Variants in KLF12 observed in about 807,000 individuals in gnomAD.
KLF12 encodes Krueppel-like factor 12.
KLF12 carries 9 observed loss-of-function variants against 37.8 expected under a neutral mutation model. The ratio of observed to expected loss-of-function variants is 0.24; its 90% confidence interval spans 0.14 to 0.42. The LOEUF is 0.42. Ranked by LOEUF, KLF12 falls within the 10% of genes least tolerant of loss-of-function variation. The probability of loss-of-function intolerance (pLI) is 1.00; values close to 1 mark genes in which losing one functional copy is unlikely to be tolerated. For synonymous variants in KLF12, 208 were observed against 202.1 expected (o/e 1.03, Z -0.25); for missense variants, 411 against 516.0 (o/e 0.80, Z 1.97).
chr13:73,993,904 G>T (rs576027484), intron 2 of KLF12, among the ~76,000 whole-genome samples: 1 of 152,196 alleles, frequency 6.6e-6, no homozygotes, highest in East Asian at 1.9e-4. Context: ...ACACACCACT[G>T]ATCCACATGC....
chr13:74,188,775 C>A, the KLF12 span, among the ~76,000 whole-genome samples: 5 of 152,134 alleles, frequency 3.3e-5, no homozygotes, highest in Non-Finnish European at 5.9e-5. Context: ...GCAGGTGGAT[C>A]ACTTGAGGCC....
At chr13:73,710,366 C>T (rs1017407904) in intron 7 of KLF12, among the ~76,000 whole-genome samples, 4 of 144,360 alleles carry the variant, frequency 2.8e-5, no homozygotes, top group African/African-American at 7.7e-5. Context: ...TATTGCATTT[C>T]GAAGATATTG....
intron 1 of KLF12, among the ~76,000 whole-genome samples, chr13:74,094,516 A>G (rs1875862509): frequency 6.6e-6 from 1 of 152,092 alleles, no homozygotes; most frequent in Non-Finnish European, 1.5e-5. Context: ...CTGGGCCAGG[A>G]ATCTCTAGGA....
intron 2 of KLF12, among the ~76,000 whole-genome samples, chr13:73,946,501 T>C (rs1212221251): frequency 6.6e-6 from 1 of 152,236 alleles, no homozygotes; most frequent in South Asian, 2.1e-4. Context: ...ATATTCATGA[T>C]GGTTTTTCTT....
At position 73,959,347 on chromosome 13, in the gene KLF12, A is replaced by G. The variant is rs150990042; in HGVS notation, c.34-15277T>C. 2.2e-3 allele frequency among the ~76,000 whole-genome samples: 342 copies of G among 152,052 alleles called. 2 individuals are homozygous for G. Among genetic ancestry groups the G allele is most frequent in the African/African-American group, 7.9e-3 (329 of 41,490 alleles). ...ATATGATGGTATTTTCTTTCATCCC[A>G]CCACCAAAGACATTTTGGGACAGAG... On this transcript the variant is annotated intron_variant, in intron 2 of 7. Coordinates refer to ENST00000377669, the MANE Select transcript of KLF12 (RefSeq NM_007249.5).
intron 6 of KLF12, among the ~76,000 whole-genome samples, chr13:73,752,741 TTTGACACAGAGTCTTGC>T (rs1878863102): frequency 3.7e-5 from 4 of 109,260 alleles, no homozygotes; most frequent in Admixed American, 3.5e-4. Context: ...TTTTTTTTTT[TTTGACACAGAGTCTTGC>T]TCTGTCACCC....
In KLF12 at chr13:73,741,489, C is replaced by T. The variant is rs551887108; in HGVS notation, c.869+23449G>A. Among the ~76,000 whole-genome samples, 16 of 152,300 alleles carry T rather than the reference C, an allele frequency of 1.1e-4. No homozygotes were observed. In the South Asian group the frequency reaches 3.1e-3, roughly 30 times the overall value. On this transcript the variant is annotated intron_variant, in intron 6 of 7. Transcript: ENST00000377669. ...AGAATTATGGCAAAGATTTCTACTGCAATCTGCCAGATCCCAACTATTTTT... is the reference window on the plus strand; with the variant it reads ...AGAATTATGGCAAAGATTTCTACTGTAATCTGCCAGATCCCAACTATTTTT...
chr13:74,073,270 C>T (rs528303826), intron 1 of KLF12, among the ~76,000 whole-genome samples: 84 of 151,852 alleles, frequency 5.5e-4, no homozygotes, highest in African/African-American at 2.0e-3. Flanking sequence ...TTCTTTTTTG[C>T]TCAGGAATTC....
rs2138004802 is a variant in KLF12, at chr13:73,755,226, A to C, written c.869+9712T>G. 1.3e-5 allele frequency among the ~76,000 whole-genome samples: 2 copies of C among 152,344 alleles called. 1 individual carries two copies. The highest frequency in any genetic ancestry group is 4.1e-4 in the South Asian group (2 of 4,828). On this transcript the variant is annotated intron_variant, in intron 6 of 7. Transcript: ENST00000377669. The stretch of plus-strand genomic sequence containing the variant: ...TTCAGACCTCTGAGGAAAAAAGGCA[A>C]TGAGTACAGGAATGGAAAAAGAGAT...
the KLF12 span, among the ~76,000 whole-genome samples, chr13:74,229,958 T>C: frequency 6.6e-6 from 1 of 152,224 alleles, no homozygotes; most frequent in East Asian, 1.9e-4. Flanking sequence ...CCTAATGCTG[T>C]CACTTAACTG....
the KLF12 span, among the ~76,000 whole-genome samples, chr13:74,273,039 C>T: frequency 6.6e-6 from 1 of 152,134 alleles, no homozygotes; most frequent in Non-Finnish European, 1.5e-5. Flanking sequence ...CCACAAATGC[C>T]ATCTTCTTTT....
chr13:74,288,170 C>T, the KLF12 span, among the ~76,000 whole-genome samples: 3 of 152,084 alleles, frequency 2.0e-5, no homozygotes, highest in African/African-American at 7.2e-5. Flanking sequence ...TAAAATAACC[C>T]AATGGATTTG....
At chr13:74,014,100 A>G (rs921911716) in intron 1 of KLF12, among the ~76,000 whole-genome samples, 3 of 152,216 alleles carry the variant, frequency 2.0e-5, no homozygotes, top group African/African-American at 7.2e-5. Flanking sequence ...TAACTCTGAA[A>G]AAATAACATT....
chr13:73,818,429 G>A (rs1566391670), intron 4 of KLF12, among the ~76,000 whole-genome samples: 1 of 152,206 alleles, frequency 6.6e-6, no homozygotes, highest in African/African-American at 2.4e-5. Flanking sequence ...CAGCTCACAT[G>A]AGACATTTAA....
In KLF12 at chr13:73,836,378, C is replaced by G. The variant is rs552839137; in HGVS notation, c.670+9449G>C. ...AAAAAACAGGGAACAGAAACCACAG[C>G]CACAGAGTTGTAAATTATTAAAAAG... On this transcript the variant is annotated intron_variant, in intron 4 of 7. Coordinates refer to ENST00000377669, the MANE Select transcript of KLF12 (RefSeq NM_007249.5). 7.2e-5 allele frequency among the ~76,000 whole-genome samples: 11 copies of G among 152,238 alleles called. No homozygotes were observed. The South Asian group carries it at 1.0e-3, about 14-fold the overall frequency.
chr13:73,998,817 G>A (rs998956730), intron 1 of KLF12, among the ~76,000 whole-genome samples: 2 of 152,136 alleles, frequency 1.3e-5, no homozygotes, highest in African/African-American at 2.4e-5. Flanking sequence ...AATATTTGAA[G>A]GTTAATCTAA....
intron 5 of KLF12, among the ~76,000 whole-genome samples, chr13:73,786,733 C>A (rs558143192): frequency 9.2e-6 from 1 of 108,648 alleles, no homozygotes; most frequent in Admixed American, 9.7e-5. Context: ...GCAAAAAATA[C>A]GAAAAAAATA....
At chr13:74,174,030 CTG>C in the KLF12 span, among the ~76,000 whole-genome samples, 1 of 152,142 alleles carries the variant, frequency 6.6e-6, no homozygotes, top group East Asian at 1.9e-4. Context: ...TAGAAATAGA[CTG>C]TGAGTCTGAG....
At chr13:73,973,571 A>T (rs1891407197) in intron 2 of KLF12, among the ~76,000 whole-genome samples, 1 of 152,218 alleles carries the variant, frequency 6.6e-6, no homozygotes, top group African/African-American at 2.4e-5. Flanking sequence ...CTCAAAGTGT[A>T]GCTCCCTAGA....
Sources: gnomAD v4.1 joint callset for allele counts (sites outside exome capture counted in the v4.1 genomes callset) on GRCh38, gnomAD v4.1.1 for gene constraint, MANE v1.5 for transcripts, NCBI Gene and HGNC (gene_info 2026-07-23, HGNC 2026-07-21) for gene names.